Variants in UMPS observed in about 807,000 individuals in gnomAD.
The protein encoded by UMPS is uridine monophosphate synthetase.
Under a neutral mutation model 38.9 loss-of-function variants are expected in UMPS, and 21 were observed. The ratio of observed to expected loss-of-function variants is 0.54; its 90% confidence interval spans 0.38 to 0.78. The LOEUF is 0.78. UMPS is among the 30% of genes least tolerant of loss of function. UMPS has a pLI of 0.00. For synonymous variants in UMPS, 208 were observed against 219.3 expected (o/e 0.95, Z 0.45); for missense variants, 533 against 591.6 (o/e 0.90, Z 1.03).
intron 5 of UMPS, 105 bp from the exon 6 acceptor site, chr3:124,743,810 G>A (rs2150902206): frequency 1.4e-6 from 2 of 1,420,736 alleles, no homozygotes; most frequent in African/African-American, 1.4e-5. Context: ...GAAAGTAGGG[G>A]CATGTTTTTA....
At chr3:124,740,792 A>G (rs2063551181) in intron 4 of UMPS, among the ~76,000 whole-genome samples, 1 of 151,918 alleles carries the variant, frequency 6.6e-6, no homozygotes, top group Non-Finnish European at 1.5e-5. Flanking sequence ...CAAAAAAATG[A>G]AAAAGAAAAT....
At chr3:124,739,992 C>A in intron 3 of UMPS, 32 bp from the exon 4 acceptor site, 1 of 1,611,520 alleles carries the variant, frequency 6.2e-7, no homozygotes, top group South Asian at 1.1e-5. Flanking sequence ...GTTTGAAAAT[C>A]AGCAAATATC....
chr3:124,740,239 G>T, intron 4 of UMPS, 40 bp downstream of exon 4: 2 of 1,560,230 alleles, frequency 1.3e-6, no homozygotes, highest in Non-Finnish European at 8.7e-7. Flanking sequence ...GGCAGGGGCT[G>T]CTATGCTGCA....
intron 3 of UMPS, among the ~76,000 whole-genome samples, chr3:124,739,701 A>G (rs2063542787): frequency 6.6e-6 from 1 of 152,188 alleles, no homozygotes; most frequent in Non-Finnish European, 1.5e-5. Flanking sequence ...GTCCCTTTCT[A>G]ATAGCATGAG....
In UMPS at chr3:124,735,249, A is replaced by G; in HGVS notation, c.310+3A>G. On this transcript the variant is annotated splice_donor_region_variant and intron_variant, in intron 2 of 5. Coordinates refer to ENST00000232607, the MANE Select transcript of UMPS (RefSeq NM_000373.4). ...AAGGAAAGAAACAAAGGATTATGGT[A>G]AAATAAAAGTAACATAAAGCATGAA... 1 of 1,610,256 alleles carries G rather than the reference A, an allele frequency of 6.2e-7. No homozygotes were observed. The highest frequency in any genetic ancestry group is 8.5e-7 in the Non-Finnish European group (1 of 1,176,784).
At chr3:124,736,948 A>G (rs2063522439) in intron 2 of UMPS, among the ~76,000 whole-genome samples, 1 of 152,234 alleles carries the variant, frequency 6.6e-6, no homozygotes, top group Non-Finnish European at 1.5e-5. Context: ...TGATTGCTGA[A>G]TATTTTTCCT....
chr3:124,742,293 T>G, intron 5 of UMPS, 27 bp downstream of exon 5: 74 of 1,550,394 alleles, frequency 4.8e-5, no homozygotes, highest in Non-Finnish European at 6.0e-5. Context: ...GTCGTGGCTC[T>G]TCCAAAAATG....
chr3:124,742,230 C>A lies in UMPS; in HGVS notation c.1237C>A (p.Leu413Ile), dbSNP rs1269820442. 1 of 1,613,956 alleles carries A rather than the reference C, an allele frequency of 6.2e-7. No homozygotes were observed. The highest frequency in any genetic ancestry group is 8.5e-7 in the Non-Finnish European group (1 of 1,180,000). The change falls in exon 5 of 6, where the codon CTT becomes ATT. Residue 413 changes from leucine to isoleucine, a missense_variant. By Grantham distance (5) the Leu-to-Ile change is conservative (BLOSUM62 2). Coordinates refer to ENST00000232607, the MANE Select transcript of UMPS (RefSeq NM_000373.4). ...GSRVSMKPEFLHLTPGVQLEA... is the reference protein window; with the variant it reads ...GSRVSMKPEFIHLTPGVQLEA... ...CCGAGTAAGCATGAAACCAGAATTT[C>A]TTCACTTGACTCCAGGAGTTCAGTT...
At position 124,730,480 on chromosome 3, in the gene UMPS, C is replaced by G. The variant is rs1553747632; in HGVS notation, c.9C>G (p.Val3=). Reference sequence around the variant, plus strand: ...ACAGGCAGCGCGCGACAATGGCGGTCGCTCGTGCAGCTTTGGGGCCATTGG... The same window carrying G: ...ACAGGCAGCGCGCGACAATGGCGGTGGCTCGTGCAGCTTTGGGGCCATTGG... The part of the protein sequence containing the change: MA[V]ARAALGPLVT... The change falls in exon 1 of 6, where the codon GTC becomes GTG. Residue 3 remains valine (V), a synonymous_variant. Transcript: ENST00000232607. 19 of 1,614,120 alleles carry G rather than the reference C, an allele frequency of 1.2e-5. No individual in the cohort carries two copies. Among genetic ancestry groups the G allele is most frequent in the Non-Finnish European group, 1.5e-5 (18 of 1,179,964 alleles).
chr3:124,735,712 C>T (rs563088546), intron 2 of UMPS, among the ~76,000 whole-genome samples: 1 of 152,222 alleles, frequency 6.6e-6, no homozygotes. Context: ...CACCATGGCT[C>T]ACGCCTGTAA....
intron 1 of UMPS, among the ~76,000 whole-genome samples, chr3:124,732,054 C>T (rs566203963): frequency 5.3e-5 from 8 of 152,178 alleles, no homozygotes; most frequent in South Asian, 2.1e-4. Context: ...CTTGCCTTGG[C>T]GGCTTCCCAA....
At position 124,746,662 on chromosome 3, in the gene UMPS, G is replaced by A. The variant is rs1579141852; in HGVS notation, c.*2578G>A. 1 of 453,928 alleles carries A rather than the reference G, an allele frequency of 2.2e-6. No homozygotes were observed. The highest frequency in any genetic ancestry group is 2.3e-5 in the Admixed American group (1 of 42,574). 28.1% of individuals were successfully genotyped at this position (453,928 alleles called of 1,614,324 possible). On this transcript the variant is annotated 3_prime_UTR_variant, in exon 6 of 6. Coordinates refer to ENST00000232607, the MANE Select transcript of UMPS (RefSeq NM_000373.4). The stretch of plus-strand genomic sequence containing the variant: ...TAGGGACCCCATGTCTCCATGGGGT[G>A]CACAGAATGTCTGTGAGACTGATGG...
chr3:124,734,869 A>G (rs982315167), intron 1 of UMPS, among the ~76,000 whole-genome samples: 1 of 152,114 alleles, frequency 6.6e-6, no homozygotes, highest in Non-Finnish European at 1.5e-5. Context: ...AAATACAAAA[A>G]AATTAGCTGG....
intron 2 of UMPS, chr3:124,737,163 G>T: frequency 5.2e-6 from 1 of 193,444 alleles, no homozygotes; most frequent in Admixed American, 5.5e-5. Context: ...TAGCATTTTG[G>T]GAGGCTGAGG....
chr3:124,733,994 T>G (rs2063499008), intron 1 of UMPS, among the ~76,000 whole-genome samples: 1 of 152,172 alleles, frequency 6.6e-6, no homozygotes, highest in Non-Finnish European at 1.5e-5. Context: ...ATTTTAAACT[T>G]TTCATAGTCC....
rs2063592402 is a variant in UMPS, at chr3:124,745,839, A to C, written c.*1755A>C. 2.2e-6 allele frequency: 1 copy of C among 453,764 alleles called. No individual in the cohort carries two copies. Among genetic ancestry groups the C allele is most frequent in the African/African-American group, 2.0e-5 (1 of 49,934 alleles). The allele number at this position is 453,764 out of a possible 1,614,324, so 28.1% of individuals were successfully genotyped here. ...TGATGTGCTGAGGTCTCAGGCGCCCACCTCCCTGGCTGTCACTTCCATGTG... is the reference window on the plus strand; with the variant it reads ...TGATGTGCTGAGGTCTCAGGCGCCCCCCTCCCTGGCTGTCACTTCCATGTG... On this transcript the variant is annotated 3_prime_UTR_variant, in exon 6 of 6. Coordinates refer to ENST00000232607, the MANE Select transcript of UMPS (RefSeq NM_000373.4).
In UMPS at chr3:124,740,112, G is replaced by A; in HGVS notation, c.1071G>A (p.Val357=). 6.2e-7 allele frequency: 1 copy of A among 1,614,102 alleles called. No homozygotes were observed. Among genetic ancestry groups the A allele is most frequent in the East Asian group, 2.2e-5 (1 of 44,876 alleles). The change falls in exon 4 of 6, where the codon GTG becomes GTA. Residue 357 remains valine (V), a synonymous_variant. Transcript: ENST00000232607. ...GAGTTGTGAAAGGCCTGCAAGAAGTGGGCCTGCCTTTGCATCGGGGGTGCC... is the reference window on the plus strand; with the variant it reads ...GAGTTGTGAAAGGCCTGCAAGAAGTAGGCCTGCCTTTGCATCGGGGGTGCC... ...GSGVVKGLQE[V]GLPLHRGCLL...
In UMPS at chr3:124,737,631, T is replaced by G; in HGVS notation, c.374T>G (p.Val125Gly). 6.2e-7 allele frequency: 1 copy of G among 1,614,222 alleles called. No individual in the cohort carries two copies. Among genetic ancestry groups the G allele is most frequent in the Non-Finnish European group, 8.5e-7 (1 of 1,180,034 alleles). ...GAAACCTGTTTAATCATTGAAGATG[T>G]TGTCACCAGTGGATCTAGTGTTTTG... ...PGETCLIIED[V>G]VTSGSSVLET... Residue 125 changes from valine to glycine, a missense_variant, in exon 3 of 6, where the codon GTT becomes GGT. Val to Gly is a moderately radical substitution (Grantham distance 109). Coordinates refer to ENST00000232607, the MANE Select transcript of UMPS (RefSeq NM_000373.4).
chr3:124,746,755 T>TTG lies in UMPS; in HGVS notation c.*2712_*2713dup, dbSNP rs58981387. ...ATTCTGTAGAACATAAGCCCATAGA[T>TTG]TGTGTGTGTGTGTGTGTGTGTGTGT... On this transcript the variant is annotated 3_prime_UTR_variant, in exon 6 of 6. Transcript: ENST00000232607. The TTG allele has an allele frequency of 0.038, 15,742 of 418,422 alleles. 110 individuals carry two copies. The highest frequency in any genetic ancestry group is 0.059 in the Middle Eastern group (77 of 1,302). The allele number at this position is 418,422 out of a possible 1,614,324, so 25.9% of individuals were successfully genotyped here. A position where few individuals can be genotyped will look rare whatever the true frequency, so the allele number is the denominator to read the frequency against.
Sources: gnomAD v4.1 joint callset for allele counts (sites outside exome capture counted in the v4.1 genomes callset) on GRCh38, gnomAD v4.1.1 for gene constraint, MANE v1.5 for transcripts, NCBI Gene and HGNC (gene_info 2026-07-23, HGNC 2026-07-21) for gene names.